Variants in UVRAG observed in about 807,000 individuals in gnomAD.
The protein encoded by UVRAG is UV radiation resistance-associated gene protein.
Under a neutral mutation model 78.0 loss-of-function variants are expected in UVRAG, and 19 were observed. That is an observed-to-expected ratio of 0.24 (90% confidence interval 0.17 to 0.36). UVRAG has a LOEUF of 0.36. Among genes scored for constraint, UVRAG ranks in the 10% least tolerant of loss-of-function variants. The pLI is 1.00. For missense variants in UVRAG, 740 were observed against 853.8 expected (o/e 0.87, Z 1.66); for synonymous variants, 323 against 324.6 (o/e 1.00, Z 0.05).
At chr11:75,868,158 A>C (rs547320693) in intron 3 of UVRAG, among the ~76,000 whole-genome samples, 2 of 152,250 alleles carry the variant, frequency 1.3e-5, no homozygotes, top group Non-Finnish European at 2.9e-5. Context: ...GTTTTTCTGC[A>C]GCAGTCACAT....
intron 12 of UVRAG, among the ~76,000 whole-genome samples, chr11:76,026,470 GCATC>G (rs1280027075): frequency 6.6e-6 from 1 of 152,046 alleles, no homozygotes; most frequent in Non-Finnish European, 1.5e-5. Flanking sequence ...TGCTTTCATG[GCATC>G]CAATTAAATC....
intron 4 of UVRAG, among the ~76,000 whole-genome samples, chr11:75,886,696 G>A (rs1947085710): frequency 6.6e-6 from 1 of 152,204 alleles, no homozygotes. Context: ...GATAGAGGTA[G>A]GAGATACAGA....
At chr11:76,124,265 C>T (rs1223058338) in intron 14 of UVRAG, among the ~76,000 whole-genome samples, 2 of 152,142 alleles carry the variant, frequency 1.3e-5, no homozygotes, top group Non-Finnish European at 2.9e-5. Context: ...GTCTATTCTG[C>T]GTATAGCATT....
intron 13 of UVRAG, among the ~76,000 whole-genome samples, chr11:76,107,640 T>TA (rs1951995437): frequency 6.6e-6 from 1 of 152,226 alleles, no homozygotes; most frequent in Non-Finnish European, 1.5e-5. Flanking sequence ...TAATCGAGTT[T>TA]TTATATTTTT....
chr11:75,950,963 TACAC>T (rs35864936), intron 6 of UVRAG, among the ~76,000 whole-genome samples: 6,809 of 139,854 alleles, frequency 0.049, 236 homozygotes, highest in African/African-American at 0.1. Flanking sequence ...TTGTCAGGTG[TACAC>T]ACACACACAC....
intron 1 of UVRAG, among the ~76,000 whole-genome samples, chr11:75,836,486 C>G (rs1230786255): frequency 6.6e-6 from 1 of 152,166 alleles, no homozygotes; most frequent in Non-Finnish European, 1.5e-5. Context: ...GTTTCAAAAC[C>G]TTTGAGACAT....
chr11:75,861,809 G>A (rs901868607), intron 3 of UVRAG, 29 bp downstream of exon 3: 1 of 1,582,050 alleles, frequency 6.3e-7, no homozygotes, highest in African/African-American at 1.3e-5. Context: ...GGGTACATAT[G>A]ACTAAGTATA....
At chr11:76,134,935 G>T (rs996560579) in intron 14 of UVRAG, among the ~76,000 whole-genome samples, 3 of 152,146 alleles carry the variant, frequency 2.0e-5, no homozygotes, top group Non-Finnish European at 4.4e-5. Flanking sequence ...GCGATGGAGG[G>T]TGAGCGAGCA....
rs1442809253 is a variant in UVRAG, at chr11:75,837,092, G to T, written c.118-14791G>T. Among the ~76,000 whole-genome samples the T allele has an allele frequency of 2.9e-3, 446 of 152,242 alleles. 6 individuals carry two copies. In the East Asian group the frequency reaches 0.073, roughly 25 times the overall value. On this transcript the variant is annotated intron_variant, in intron 1 of 14. Transcript: ENST00000356136. Reference sequence around the variant, plus strand: ...CGCCTGTAATCCCAGCACTTTGGGAGGCCAAGGTGGGTGGATCCTGAGGTC... The same window carrying T: ...CGCCTGTAATCCCAGCACTTTGGGATGCCAAGGTGGGTGGATCCTGAGGTC...
At chr11:75,981,706 GTT>G (rs1949398975) in intron 7 of UVRAG, among the ~76,000 whole-genome samples, 3 of 151,720 alleles carry the variant, frequency 2.0e-5, no homozygotes, top group Non-Finnish European at 4.4e-5. Flanking sequence ...TTTTGGTATA[GTT>G]ACACAGGTCC....
At chr11:75,945,924 C>T (rs544057712) in intron 6 of UVRAG, among the ~76,000 whole-genome samples, 1 of 152,176 alleles carries the variant, frequency 6.6e-6, no homozygotes, top group East Asian at 1.9e-4. Context: ...TTCCACTTGA[C>T]CCCGTCCCTA....
intron 14 of UVRAG, among the ~76,000 whole-genome samples, chr11:76,135,881 C>T (rs922478622): frequency 2.6e-5 from 4 of 152,184 alleles, no homozygotes; most frequent in Non-Finnish European, 5.9e-5. Context: ...TCCACTCCTC[C>T]CAAAACACAC....
At chr11:75,940,291 A>G (rs554154041) in intron 6 of UVRAG, among the ~76,000 whole-genome samples, 43 of 152,146 alleles carry the variant, frequency 2.8e-4, no homozygotes, top group South Asian at 8.3e-4. Flanking sequence ...GACTTCTAAA[A>G]TAACTCCTAG....
chr11:75,843,150 GAAAGGT>G (rs1377214274), intron 1 of UVRAG, among the ~76,000 whole-genome samples: 3 of 152,114 alleles, frequency 2.0e-5, no homozygotes, highest in Non-Finnish European at 4.4e-5. Context: ...GCATGCAAGG[GAAAGGT>G]AAAATATTTC....
intron 5 of UVRAG, among the ~76,000 whole-genome samples, chr11:75,899,592 G>T (rs760075462): frequency 1.1e-4 from 17 of 152,144 alleles, no homozygotes; most frequent in Non-Finnish European, 1.9e-4. Flanking sequence ...TCATTTGAAG[G>T]CTTGTTTTCT....
At chr11:76,108,260 T>A (rs76185226) in intron 13 of UVRAG, among the ~76,000 whole-genome samples, 10,934 of 152,118 alleles carry the variant, frequency 0.072, 752 homozygotes, top group African/African-American at 0.19. Context: ...GATTCCTGAA[T>A]CCCCAGAGGC....
At chr11:75,836,760 A>T (rs1590916398) in intron 1 of UVRAG, among the ~76,000 whole-genome samples, 1 of 152,336 alleles carries the variant, frequency 6.6e-6, no homozygotes, top group Non-Finnish European at 1.5e-5. Context: ...ATTAAAAAGC[A>T]TTAAACTTTA....
At chr11:76,081,353 C>G (rs1011674462) in intron 13 of UVRAG, among the ~76,000 whole-genome samples, 2 of 151,992 alleles carry the variant, frequency 1.3e-5, no homozygotes, top group African/African-American at 4.8e-5. Flanking sequence ...TTACAGGCAC[C>G]TGCCACCACG....
chr11:75,972,851 T>C lies in UVRAG; in HGVS notation c.700-10536T>C, dbSNP rs368167310. Among the ~76,000 whole-genome samples the C allele has an allele frequency of 4.0e-3, 616 of 152,302 alleles. 3 individuals are homozygous for C. The highest frequency in any genetic ancestry group is 0.014 in the African/African-American group (598 of 41,580). Reference sequence around the variant, plus strand: ...TTCATTGCTGTTACACAGGAAGACATCTAACTTTTTATACTTATTAATTCT... The same window carrying C: ...TTCATTGCTGTTACACAGGAAGACACCTAACTTTTTATACTTATTAATTCT... On this transcript the variant is annotated intron_variant, in intron 7 of 14. Transcript: ENST00000356136.
Sources: gnomAD v4.1 joint callset for allele counts (sites outside exome capture counted in the v4.1 genomes callset) on GRCh38, gnomAD v4.1.1 for gene constraint, MANE v1.5 for transcripts, NCBI Gene and HGNC (gene_info 2026-07-23, HGNC 2026-07-21) for gene names.